EXOC4: variants seen among roughly 807,000 people sequenced by gnomAD.
The protein encoded by EXOC4 is SEC8-like 1.
A neutral mutation model predicts 107.2 loss-of-function variants in EXOC4; 71 were observed. That is an observed-to-expected ratio of 0.66 (90% CI 0.55 to 0.81). The LOEUF is 0.81. Among genes scored for constraint, EXOC4 ranks in the 30% least tolerant of loss-of-function variants. The pLI is 0.00. For missense variants in EXOC4, 1,108 were observed against 1,189.6 expected, an observed-to-expected ratio of 0.93 and a Z score of 1.01; for synonymous variants, 456 against 441.2, an observed-to-expected ratio of 1.03 and a Z score of -0.42.
At chr7:133,860,579 T>C (rs988981582) in intron 11 of EXOC4, among the ~76,000 whole-genome samples, 8 of 152,212 alleles carry the variant, frequency 5.3e-5, no homozygotes, top group Non-Finnish European at 7.3e-5. Context: ...TTTTCATATC[T>C]ACTAGTTTTT....
At chr7:133,324,785 G>A (rs1280398267) in intron 5 of EXOC4, among the ~76,000 whole-genome samples, 1 of 152,160 alleles carries the variant, frequency 6.6e-6, no homozygotes, top group Non-Finnish European at 1.5e-5. Context: ...CTGTCTTGTT[G>A]ATCTGTCTAA....
chr7:133,578,602 C>T (rs1383191671), intron 9 of EXOC4, among the ~76,000 whole-genome samples: 1 of 152,126 alleles, frequency 6.6e-6, no homozygotes, highest in Non-Finnish European at 1.5e-5. Context: ...ACTTGCCTCA[C>T]TTCAGAGGAT....
chr7:133,294,468 A>C (rs1446356666), intron 3 of EXOC4, among the ~76,000 whole-genome samples: 1 of 152,134 alleles, frequency 6.6e-6, no homozygotes, highest in East Asian at 1.9e-4. Context: ...TGACTAAAAT[A>C]ATTTCATTTC....
At chr7:133,857,875 G>A (rs1335214424) in intron 11 of EXOC4, among the ~76,000 whole-genome samples, 1 of 152,090 alleles carries the variant, frequency 6.6e-6, no homozygotes, top group Non-Finnish European at 1.5e-5. Flanking sequence ...GGGCGTGGGG[G>A]GAGGCATGTC....
At chr7:133,835,691 G>C (rs1179588818) in intron 11 of EXOC4, among the ~76,000 whole-genome samples, 1 of 152,088 alleles carries the variant, frequency 6.6e-6, no homozygotes. Context: ...TAGTCCCTGG[G>C]TAAGTATATT....
At chr7:133,549,067 G>A (rs1292710961) in intron 9 of EXOC4, among the ~76,000 whole-genome samples, 1 of 152,152 alleles carries the variant, frequency 6.6e-6, no homozygotes, top group African/African-American at 2.4e-5. Flanking sequence ...GCAGTGGCAC[G>A]ATCTTGGCTC....
At chr7:134,038,985 C>T (rs1276615732) in intron 17 of EXOC4, among the ~76,000 whole-genome samples, 2 of 152,152 alleles carry the variant, frequency 1.3e-5, no homozygotes, top group Non-Finnish European at 2.9e-5. Context: ...CCTGTGTTCC[C>T]ACTTCTGGAG....
intron 1 of EXOC4, among the ~76,000 whole-genome samples, chr7:133,254,765 C>T (rs1378453782): frequency 2.6e-5 from 4 of 152,142 alleles, no homozygotes; most frequent in African/African-American, 7.2e-5. Context: ...ACGAGAGAGA[C>T]ATGAAATGTT....
chr7:133,548,688 T>A (rs1800530222), intron 9 of EXOC4, among the ~76,000 whole-genome samples: 1 of 152,218 alleles, frequency 6.6e-6, no homozygotes, highest in South Asian at 2.1e-4. Context: ...GCTTTTCTTC[T>A]GCAGCTTTCT....
chr7:133,468,873 G>A (rs1012027347), intron 7 of EXOC4, among the ~76,000 whole-genome samples: 1 of 152,062 alleles, frequency 6.6e-6, no homozygotes, highest in East Asian at 1.9e-4. Context: ...CTGATTTGCT[G>A]TACCCAGAAT....
chr7:133,581,491 G>C (rs1194622091), intron 9 of EXOC4, among the ~76,000 whole-genome samples: 1 of 151,986 alleles, frequency 6.6e-6, no homozygotes, highest in African/African-American at 2.4e-5. Context: ...GGGCGCGGTG[G>C]CTCACGCCTG....
chr7:133,317,451 T>C (rs937379117), intron 5 of EXOC4, 61 bp downstream of exon 5: 72 of 1,206,258 alleles, frequency 6.0e-5, no homozygotes, highest in Admixed American at 3.4e-4. Flanking sequence ...TAGGTAGATA[T>C]CTGGAGGAGC....
the EXOC4 span, among the ~76,000 whole-genome samples, chr7:134,089,985 G>T: frequency 6.6e-6 from 1 of 152,114 alleles, no homozygotes; most frequent in Non-Finnish European, 1.5e-5. Flanking sequence ...TAGAAGAAAT[G>T]TTTACATTTT....
intron 3 of EXOC4, among the ~76,000 whole-genome samples, chr7:133,296,075 C>T (rs562112291): frequency 6.6e-6 from 1 of 152,214 alleles, no homozygotes; most frequent in Admixed American, 6.5e-5. Flanking sequence ...TGTAGAAGAG[C>T]AGCTTGAAAG....
intron 5 of EXOC4, among the ~76,000 whole-genome samples, chr7:133,338,082 G>T (rs1795561502): frequency 6.8e-6 from 1 of 147,386 alleles, no homozygotes; most frequent in South Asian, 2.1e-4. Flanking sequence ...TCTGTTCTCT[G>T]TCTCATTACT....
At chr7:133,641,136 G>A (rs1802844172) in intron 10 of EXOC4, among the ~76,000 whole-genome samples, 1 of 152,190 alleles carries the variant, frequency 6.6e-6, no homozygotes, top group Non-Finnish European at 1.5e-5. Flanking sequence ...ATTATCACAG[G>A]AAGCCATGAG....
intron 13 of EXOC4, among the ~76,000 whole-genome samples, chr7:133,932,769 T>C (rs1302926888): frequency 6.6e-6 from 1 of 152,204 alleles, no homozygotes; most frequent in Non-Finnish European, 1.5e-5. Context: ...CATTTGAGTC[T>C]GTCCTGACCT....
At chr7:134,019,715 G>A (rs914712088) in intron 17 of EXOC4, among the ~76,000 whole-genome samples, 4 of 152,132 alleles carry the variant, frequency 2.6e-5, no homozygotes, top group Admixed American at 6.5e-5. Flanking sequence ...GTGAAGTAAG[G>A]CTACCATTTT....
intron 9 of EXOC4, among the ~76,000 whole-genome samples, chr7:133,519,238 A>G (rs1799937356): frequency 6.6e-6 from 1 of 151,924 alleles, no homozygotes; most frequent in Non-Finnish European, 1.5e-5. Context: ...AACATAGCAA[A>G]CCCTTGTCTC....
Sources: gnomAD v4.1 joint callset for allele counts (sites outside exome capture counted in the v4.1 genomes callset) on GRCh38, gnomAD v4.1.1 for gene constraint, MANE v1.5 for transcripts, NCBI Gene and HGNC (gene_info 2026-07-23, HGNC 2026-07-21) for gene names.